VAT1L: variants seen among roughly 807,000 people sequenced by gnomAD.
VAT1L encodes putative NADPH-dependent quinone oxidoreductase VAT1L.
In VAT1L, 34 loss-of-function variants were observed where a neutral mutation model predicts 44.1. That is an observed-to-expected ratio of 0.77 (90% confidence interval 0.59 to 1.03). The LOEUF (loss-of-function observed/expected upper bound fraction) is 1.03, where lower values mean the gene tolerates loss of function less well. Among genes scored for constraint, VAT1L ranks in the 50% least tolerant of loss-of-function variants. The pLI is 0.00. For synonymous variants in VAT1L, 253 were observed against 202.2 expected (o/e 1.25, Z -2.13); for missense variants, 615 against 538.8 (o/e 1.14, Z -1.40).
chr16:77,909,698 A>G (rs1183229202), intron 7 of VAT1L, among the ~76,000 whole-genome samples: 2 of 151,290 alleles, frequency 1.3e-5, no homozygotes, highest in Admixed American at 6.6e-5. Flanking sequence ...CTCTGCCTGT[A>G]TCTTTTCGTG....
At chr16:77,945,213 C>T (rs2017945366) in intron 7 of VAT1L, among the ~76,000 whole-genome samples, 1 of 148,638 alleles carries the variant, frequency 6.7e-6, no homozygotes, top group African/African-American at 2.5e-5. Flanking sequence ...AAAAACATGG[C>T]TTGTGGTATC....
chr16:77,933,673 G>C (rs374573686), intron 7 of VAT1L, among the ~76,000 whole-genome samples: 134 of 152,310 alleles, frequency 8.8e-4, no homozygotes, highest in Non-Finnish European at 1.3e-3. Context: ...CTGAAGCAAA[G>C]GAGGAGAGGT....
At chr16:77,970,105 G>A (rs900697623) in intron 7 of VAT1L, among the ~76,000 whole-genome samples, 3 of 148,078 alleles carry the variant, frequency 2.0e-5, no homozygotes, top group Non-Finnish European at 4.5e-5. Context: ...ACGTGGTGAC[G>A]CTTGCCAGTA....
intron 1 of VAT1L, chr16:77,800,074 C>T (rs576298252): frequency 6.6e-6 from 1 of 152,318 alleles, no homozygotes; most frequent in South Asian, 2.1e-4. Flanking sequence ...TCTCCTAAGG[C>T]CTCTCACATG....
At chr16:77,849,969 A>G (rs1029763968) in intron 3 of VAT1L, among the ~76,000 whole-genome samples, 1 of 152,214 alleles carries the variant, frequency 6.6e-6, no homozygotes, top group Non-Finnish European at 1.5e-5. Context: ...GGAATTGTTG[A>G]TCACATCAGA....
chr16:77,900,036 T>C (rs903067820), intron 7 of VAT1L, among the ~76,000 whole-genome samples: 1 of 152,200 alleles, frequency 6.6e-6, no homozygotes, highest in African/African-American at 2.4e-5. Flanking sequence ...AGGTGACAAT[T>C]CAAAGAGGCT....
At position 77,901,498 on chromosome 16, in the gene VAT1L, T is replaced by C. The variant is rs148242525; in HGVS notation, c.1077+16696T>C. Among the ~76,000 whole-genome samples the C allele has an allele frequency of 2.8e-3, 423 of 152,248 alleles. 4 individuals carry two copies. Among genetic ancestry groups the C allele is most frequent in the African/African-American group, 9.4e-3 (392 of 41,546 alleles). ...CCTTTTAGTTAGTATTTAATGCATT[T>C]TTTGCTGCTTTTCCTCCGTTAGTCA... is the stretch of plus-strand genomic sequence containing the variant. On this transcript the variant is annotated intron_variant, in intron 7 of 8. Coordinates refer to ENST00000302536, the MANE Select transcript of VAT1L (RefSeq NM_020927.3).
chr16:77,819,826 G>T (rs913690398), intron 2 of VAT1L, among the ~76,000 whole-genome samples: 5 of 152,208 alleles, frequency 3.3e-5, no homozygotes, highest in African/African-American at 1.2e-4. Context: ...TAATGAGTCA[G>T]TATTTAACTG....
At chr16:77,950,582 T>C (rs2018030809) in intron 7 of VAT1L, among the ~76,000 whole-genome samples, 1 of 152,160 alleles carries the variant, frequency 6.6e-6, no homozygotes, top group South Asian at 2.1e-4. Flanking sequence ...AATAAGAAAT[T>C]GTATGTTCAG....
intron 3 of VAT1L, among the ~76,000 whole-genome samples, chr16:77,854,331 A>T (rs1016275274): frequency 6.6e-6 from 1 of 152,214 alleles, no homozygotes. Context: ...AAGAAAAAGA[A>T]AAACTGACTG....
chr16:77,809,872 A>C (rs141544131), intron 1 of VAT1L, among the ~76,000 whole-genome samples: 1 of 152,320 alleles, frequency 6.6e-6, no homozygotes, highest in African/African-American at 2.4e-5. Flanking sequence ...GGTCTTCACA[A>C]ACATCCTTAG....
intron 8 of VAT1L, among the ~76,000 whole-genome samples, chr16:77,977,178 G>C (rs1401562106): frequency 1.3e-5 from 2 of 152,138 alleles, no homozygotes; most frequent in African/African-American, 4.8e-5. Context: ...CCTCCCCTGA[G>C]AGCAGCCCTT....
intron 7 of VAT1L, among the ~76,000 whole-genome samples, chr16:77,893,553 A>C (rs2142469304): frequency 6.6e-6 from 1 of 152,336 alleles, no homozygotes; most frequent in African/African-American, 2.4e-5. Flanking sequence ...AGGTGAGAGA[A>C]GGCTGAATAA....
intron 7 of VAT1L, among the ~76,000 whole-genome samples, chr16:77,954,990 G>C (rs986806958): frequency 6.6e-6 from 1 of 152,168 alleles, no homozygotes; most frequent in Admixed American, 6.5e-5. Context: ...TTTAAGAAAA[G>C]CTAATGTAAC....
intron 3 of VAT1L, among the ~76,000 whole-genome samples, chr16:77,827,923 A>G (rs1681864778): frequency 6.6e-6 from 1 of 152,196 alleles, no homozygotes; most frequent in South Asian, 2.1e-4. Flanking sequence ...AAGTAAAGCA[A>G]GATTTAGTGA....
chr16:77,814,056 A>T (rs1351379453), intron 1 of VAT1L, among the ~76,000 whole-genome samples: 1 of 152,198 alleles, frequency 6.6e-6, no homozygotes, highest in Non-Finnish European at 1.5e-5. Flanking sequence ...CAAGCAAGTT[A>T]CTTACGCTCT....
intron 7 of VAT1L, among the ~76,000 whole-genome samples, chr16:77,885,132 C>G (rs1041378726): frequency 6.6e-6 from 1 of 152,166 alleles, no homozygotes; most frequent in African/African-American, 2.4e-5. Flanking sequence ...ATATTGTCAC[C>G]TTGTGAGTAC....
intron 7 of VAT1L, among the ~76,000 whole-genome samples, chr16:77,938,312 G>A (rs2017829027): frequency 6.6e-6 from 1 of 152,194 alleles, no homozygotes; most frequent in African/African-American, 2.4e-5. Context: ...AGCTGTCTGT[G>A]TTGTATGCAC....
At chr16:77,934,880 G>C (rs1454821174) in intron 7 of VAT1L, among the ~76,000 whole-genome samples, 1 of 152,196 alleles carries the variant, frequency 6.6e-6, no homozygotes, top group African/African-American at 2.4e-5. Context: ...GTAAGATGCA[G>C]GGCCCGGTCT....
Sources: allele counts gnomAD v4.1 joint callset (sites outside exome capture counted in the v4.1 genomes callset), GRCh38; gene constraint gnomAD v4.1.1; transcripts MANE v1.5; gene names NCBI Gene and HGNC (gene_info 2026-07-23, HGNC 2026-07-21).